Variants in GSE1 observed in about 807,000 individuals in gnomAD.
GSE1 encodes Gse1 coiled-coil protein.
Under a neutral mutation model 112.6 loss-of-function variants are expected in GSE1, and 32 were observed. The observed-to-expected ratio is 0.28, with a 90% confidence interval of 0.21 to 0.38. The LOEUF (loss-of-function observed/expected upper bound fraction) is 0.38, where lower values mean the gene tolerates loss of function less well. GSE1 is among the 10% of genes least tolerant of loss of function. GSE1 has a pLI of 1.00. For synonymous variants in GSE1, 1,115 were observed against 735.6 expected (o/e 1.52, Z -8.35); for missense variants, 2,348 against 1,699.2 (o/e 1.38, Z -6.71).
At chr16:85,199,508 T>G (rs56020098) in intron 1 of GSE1, among the ~76,000 whole-genome samples, 34,742 of 152,068 alleles carry the variant, frequency 0.23, 4,261 homozygotes, top group African/African-American at 0.31. Flanking sequence ...CAAACCAGAG[T>G]GTCCAGCTGC....
chr16:85,351,788 G>A lies in GSE1; in HGVS notation c.2284-5675G>A, dbSNP rs185181425. Among the ~76,000 whole-genome samples, 207 of 152,254 alleles carry A rather than the reference G, an allele frequency of 1.4e-3. 1 individual carries two copies. The highest frequency in any genetic ancestry group is 4.4e-3 in the African/African-American group (184 of 41,548). ...GCGGATCACCTGAAGTCAGGAGTTC[G>A]AGACCAGACTGGCCAACATGGTGAA... is the stretch of plus-strand genomic sequence containing the variant. On this transcript the variant is annotated intron_variant, in intron 1 of 2. Coordinates refer to the GSE1 transcript ENST00000637419.
chr16:85,174,308 G>A (rs971480493), intron 1 of GSE1, among the ~76,000 whole-genome samples: 1 of 152,204 alleles, frequency 6.6e-6, no homozygotes, highest in Non-Finnish European at 1.5e-5. Context: ...AAAGTGGAAC[G>A]GACTGAGAAG....
chr16:85,212,493 G>T (rs1416082660), intron 1 of GSE1, among the ~76,000 whole-genome samples: 1 of 152,170 alleles, frequency 6.6e-6, no homozygotes, highest in Non-Finnish European at 1.5e-5. Context: ...TAGTCATAAG[G>T]ATAGATCAGG....
rs1024275916 is a variant in GSE1, at chr16:85,373,734, G to A, written c.2464+16091G>A. ...CGGGTGGGTGGAGGGACGAAAGGGC[G>A]AATGAATGAGCGCTGGCCGCCTTCT... On this transcript the variant is annotated intron_variant, in intron 2 of 2. Transcript: ENST00000637419. This position sits in a 1 kb window ranked among gnomAD's most constrained non-coding sequence, Gnocchi z 5.1. Among the ~76,000 whole-genome samples, 6 of 152,134 alleles carry A rather than the reference G, an allele frequency of 3.9e-5. No individual in the cohort carries two copies. The highest frequency in any genetic ancestry group is 1.9e-4 in the East Asian group (1 of 5,166).
intron 1 of GSE1, among the ~76,000 whole-genome samples, chr16:85,245,721 A>G (rs1905572776): frequency 6.6e-6 from 1 of 152,166 alleles, no homozygotes; most frequent in African/African-American, 2.4e-5. Flanking sequence ...ATAGAAAAAA[A>G]GTGTCCTCTG....
chr16:85,430,762 G>A (rs1161888051), intron 2 of GSE1, among the ~76,000 whole-genome samples: 2 of 152,200 alleles, frequency 1.3e-5, no homozygotes, highest in African/African-American at 2.4e-5. Flanking sequence ...AGGCACACAC[G>A]TGCATGACCT....
rs2050667262 is a variant in GSE1 at position 85,644,164 on chromosome 16, C to T, written c.227-4388C>T. Among the ~76,000 whole-genome samples the T allele has an allele frequency of 2.0e-5, 3 of 151,846 alleles. No individual in the cohort carries two copies. The South Asian group carries it at 6.2e-4, about 32-fold the overall frequency. ...GCACCACAGCGAGACCCTGTCTCTA[C>T]CAAAAACAAACAAACAAACAAAAAA... On this transcript the variant is annotated intron_variant, in intron 2 of 15. Transcript: ENST00000253458.
At chr16:85,249,849 C>G (rs1422966501) in intron 1 of GSE1, among the ~76,000 whole-genome samples, 1 of 152,374 alleles carries the variant, frequency 6.6e-6, no homozygotes, top group Non-Finnish European at 1.5e-5. Flanking sequence ...CCTCCACAGC[C>G]CATCGCTCCA....
chr16:85,608,592 T>G (rs1228295509), upstream of GSE1, among the ~76,000 whole-genome samples: 1 of 152,174 alleles, frequency 6.6e-6, no homozygotes, highest in East Asian at 1.9e-4. Flanking sequence ...TACCGAGAAG[T>G]GCTGCCAGGT....
At chr16:85,371,169 C>T (rs1056870538) in intron 2 of GSE1, among the ~76,000 whole-genome samples, 8 of 152,198 alleles carry the variant, frequency 5.3e-5, no homozygotes, top group Non-Finnish European at 7.4e-5. Flanking sequence ...GACTGATGAC[C>T]GAGGCCACCG....
At chr16:85,309,397 G>C (rs1290809662) in intron 1 of GSE1, among the ~76,000 whole-genome samples, 1 of 152,052 alleles carries the variant, frequency 6.6e-6, no homozygotes, top group African/African-American at 2.4e-5. Context: ...AGGAGGCTGA[G>C]GCAGGAGGAT....
At chr16:85,580,382 G>A (rs938399893) in intron 1 of GSE1, among the ~76,000 whole-genome samples, 12 of 152,134 alleles carry the variant, frequency 7.9e-5, no homozygotes. Context: ...GGCAGCAGCC[G>A]GCCAGCCCTG....
At chr16:85,225,568 G>A (rs2075470941) in intron 1 of GSE1, among the ~76,000 whole-genome samples, 1 of 152,198 alleles carries the variant, frequency 6.6e-6, no homozygotes, top group Non-Finnish European at 1.5e-5. Flanking sequence ...TCCGCTGCCG[G>A]GTAGAGAGCT....
At chr16:85,417,119 A>C (rs1552273) in intron 2 of GSE1, among the ~76,000 whole-genome samples, 1 of 152,018 alleles carries the variant, frequency 6.6e-6, no homozygotes, top group African/African-American at 2.4e-5. Flanking sequence ...GCCTCCCAAA[A>C]TTACAAATTA....
chr16:85,448,096 A>G (rs1180035251), intron 2 of GSE1, among the ~76,000 whole-genome samples: 1 of 152,206 alleles, frequency 6.6e-6, no homozygotes, highest in Non-Finnish European at 1.5e-5. Flanking sequence ...TCGTGTACCC[A>G]GCTCTGGGCT....
upstream of GSE1, among the ~76,000 whole-genome samples, chr16:85,610,641 A>G (rs2151530809): frequency 6.6e-6 from 1 of 152,304 alleles, no homozygotes; most frequent in South Asian, 2.1e-4. Context: ...GGTGGCCGCC[A>G]GCGTTTCCCG....
intron 1 of GSE1, among the ~76,000 whole-genome samples, chr16:85,331,367 ATATATGTATATATATGTATATATATGTG>A (rs1567692562): frequency 9.9e-6 from 1 of 101,138 alleles, no homozygotes; most frequent in Non-Finnish European, 2.2e-5. Context: ...GTGTGTGTGT[ATATATGTATATATATGTATATATATGTG>A]TATATATGTA....
intron 1 of GSE1, among the ~76,000 whole-genome samples, chr16:85,193,940 C>T (rs1160830678): frequency 1.3e-5 from 2 of 152,134 alleles, no homozygotes; most frequent in Non-Finnish European, 2.9e-5. Context: ...CCGACTTCTC[C>T]AGTTGTACAT....
At chr16:85,294,699 C>T (rs1389620440) in intron 1 of GSE1, among the ~76,000 whole-genome samples, 11 of 146,658 alleles carry the variant, frequency 7.5e-5, no homozygotes, top group African/African-American at 2.8e-4. Flanking sequence ...CCCCACCCCC[C>T]ACCAAAACCC....
Sources: allele counts gnomAD v4.1 joint callset (sites outside exome capture counted in the v4.1 genomes callset), GRCh38; gene constraint gnomAD v4.1.1; non-coding constraint Gnocchi (gnomAD v3.1); transcripts MANE v1.5; gene names NCBI Gene and HGNC (gene_info 2026-07-23, HGNC 2026-07-21).